GBE1: variants seen among roughly 807,000 people sequenced by gnomAD.
GBE1 encodes the protein 1,4-alpha-glucan-branching enzyme.
A neutral mutation model predicts 88.8 loss-of-function variants in GBE1; 70 were observed. That is an observed-to-expected ratio of 0.79 (90% CI 0.65 to 0.96). The LOEUF is 0.96. Ranked by LOEUF, GBE1 falls within the 40% of genes least tolerant of loss-of-function variation. The pLI, the probability that GBE1 is intolerant of heterozygous loss-of-function variation, is 0.00. For missense variants in GBE1, 872 were observed against 871.0 expected (o/e 1.00, Z -0.01); for synonymous variants, 284 against 300.1 (o/e 0.95, Z 0.56).
At chr3:81,521,304 G>T (rs188818806) in intron 14 of GBE1, among the ~76,000 whole-genome samples, 3 of 151,630 alleles carry the variant, frequency 2.0e-5, no homozygotes, top group East Asian at 1.9e-4. Context: ...GCTTCCCAGG[G>T]AATTAAAAAT....
At chr3:81,635,086 G>C (rs1034868044) in intron 7 of GBE1, among the ~76,000 whole-genome samples, 9 of 152,124 alleles carry the variant, frequency 5.9e-5, no homozygotes, top group African/African-American at 1.9e-4. Context: ...TTCCTAACGT[G>C]CTATGAGAAA....
At chr3:81,496,467 A>G (rs762147994) in intron 15 of GBE1, among the ~76,000 whole-genome samples, 11 of 152,232 alleles carry the variant, frequency 7.2e-5, no homozygotes, top group Non-Finnish European at 1.6e-4. Context: ...GCTTTAGCAA[A>G]TGCTGTGTAC....
At chr3:81,497,447 A>G (rs2106807283) in intron 15 of GBE1, among the ~76,000 whole-genome samples, 1 of 152,282 alleles carries the variant, frequency 6.6e-6, no homozygotes, top group South Asian at 2.1e-4. Flanking sequence ...CTGCTTCCTA[A>G]GAATCTCTTG....
chr3:81,527,351 A>G (rs1440986818), intron 14 of GBE1, among the ~76,000 whole-genome samples: 1 of 152,150 alleles, frequency 6.6e-6, no homozygotes, highest in African/African-American at 2.4e-5. Flanking sequence ...AATGGCAACA[A>G]AAGCCAAAAT....
intron 14 of GBE1, among the ~76,000 whole-genome samples, chr3:81,520,976 T>A (rs1330862359): frequency 6.6e-6 from 1 of 151,588 alleles, no homozygotes; most frequent in Admixed American, 6.6e-5. Flanking sequence ...GTCTTGCCTC[T>A]CAGTTTTCCA....
At chr3:81,687,641 A>G (rs147133355) in intron 2 of GBE1, among the ~76,000 whole-genome samples, 1 of 152,208 alleles carries the variant, frequency 6.6e-6, no homozygotes, top group Non-Finnish European at 1.5e-5. Flanking sequence ...GTTGATGGCC[A>G]TGATTCCGTA....
chr3:81,670,819 A>G lies in GBE1; in HGVS notation c.429+19T>C. 1 of 1,324,988 alleles carries G rather than the reference A, an allele frequency of 7.5e-7. No individual in the cohort carries two copies. Among genetic ancestry groups the G allele is most frequent in the South Asian group, 1.5e-5 (1 of 67,820 alleles). The allele number at this position is 1,324,988 out of a possible 1,614,324, so 82.1% of individuals were successfully genotyped here. A position where few individuals can be genotyped will look rare whatever the true frequency, so the allele number is the denominator to read the frequency against. On this transcript the variant is annotated intron_variant, in intron 3 of 15. Coordinates refer to ENST00000429644, the MANE Select transcript of GBE1 (RefSeq NM_000158.4). ...AAGAAAATGATAAGTTCAAGAAAAA[A>G]TAGGAGGGAGGAAAGTACCTTTAAT...
chr3:81,698,688 G>A (rs1344438727), intron 2 of GBE1, among the ~76,000 whole-genome samples: 1 of 152,134 alleles, frequency 6.6e-6, no homozygotes. Context: ...GGAGGAAACT[G>A]ACACACAGTA....
At chr3:81,605,284 T>C (rs1256190641) in intron 7 of GBE1, among the ~76,000 whole-genome samples, 3 of 152,174 alleles carry the variant, frequency 2.0e-5, no homozygotes, top group Non-Finnish European at 4.4e-5. Flanking sequence ...AATCTACCCA[T>C]ATTGCTCTAA....
At chr3:81,645,757 G>C (rs78782788) in intron 6 of GBE1, among the ~76,000 whole-genome samples, 2,311 of 152,222 alleles carry the variant, frequency 0.015, 76 homozygotes, top group African/African-American at 0.053. Context: ...TCTGATTATA[G>C]TTCCCTGTCA....
In GBE1 at chr3:81,648,937, CAT is replaced by C. The variant is rs1344212943; in HGVS notation, c.608_609del (p.His203ArgfsTer7). On this transcript the variant is annotated frameshift_variant, in exon 5 of 16. Transcript: ENST00000429644. LOFTEE classifies it high-confidence loss of function. ...KPRSLRIYES[H>X]VGISSHEGKV... ...TTTCCTTCATGGGAAGAAATTCCCA[CAT>C]GAGATTCATAAATTCTTAGACTCCG... is the stretch of plus-strand genomic sequence containing the variant. 1 of 1,580,844 alleles carries C rather than the reference CAT, an allele frequency of 6.3e-7. No homozygotes were observed.
At chr3:81,751,394 T>C (rs1706526632) in intron 1 of GBE1, among the ~76,000 whole-genome samples, 3 of 152,226 alleles carry the variant, frequency 2.0e-5, no homozygotes, top group Admixed American at 1.3e-4. Flanking sequence ...TTCAGGAAGA[T>C]GTGTGTGCCA....
chr3:81,573,773 C>CTGTGTGTGTGTG (rs201683183), intron 12 of GBE1, among the ~76,000 whole-genome samples: 3 of 117,202 alleles, frequency 2.6e-5, no homozygotes, highest in Non-Finnish European at 3.7e-5. Context: ...CTCTCTCTCT[C>CTGTGTGTGTGTG]TCTGTGTGTG....
chr3:81,508,650 G>C (rs1225371990), intron 14 of GBE1, among the ~76,000 whole-genome samples: 1 of 152,066 alleles, frequency 6.6e-6, no homozygotes, highest in East Asian at 1.9e-4. Context: ...GCAGTCAAGT[G>C]CAATATAGCT....
chr3:81,667,724 T>C (rs1009745061), intron 3 of GBE1, among the ~76,000 whole-genome samples: 2 of 152,336 alleles, frequency 1.3e-5, no homozygotes, highest in African/African-American at 4.8e-5. Context: ...TTGTCCTTGG[T>C]TCTGTTTATG....
intron 1 of GBE1, among the ~76,000 whole-genome samples, chr3:81,753,539 AG>A (rs1706560677): frequency 6.6e-6 from 1 of 152,230 alleles, no homozygotes; most frequent in African/African-American, 2.4e-5. Flanking sequence ...TAGCTGACCA[AG>A]GCCCAGTTTG....
At chr3:81,662,260 C>A (rs1355005098) in intron 3 of GBE1, among the ~76,000 whole-genome samples, 1 of 152,072 alleles carries the variant, frequency 6.6e-6, no homozygotes, top group East Asian at 1.9e-4. Context: ...TCAAACTCCC[C>A]ACCTCAAGTG....
chr3:81,692,054 T>C (rs935184335), intron 2 of GBE1, among the ~76,000 whole-genome samples: 1 of 152,108 alleles, frequency 6.6e-6, no homozygotes, highest in African/African-American at 2.4e-5. Context: ...TGCCATGACC[T>C]ACACAGCCCA....
chr3:81,739,709 C>T (rs1013885773), intron 1 of GBE1, among the ~76,000 whole-genome samples: 2 of 152,114 alleles, frequency 1.3e-5, no homozygotes, highest in East Asian at 3.8e-4. Flanking sequence ...GGTTTCATTA[C>T]TGACTTGAGT....
Sources: allele counts gnomAD v4.1 joint callset (sites outside exome capture counted in the v4.1 genomes callset), GRCh38; gene constraint gnomAD v4.1.1; transcripts MANE v1.5; gene names NCBI Gene and HGNC (gene_info 2026-07-23, HGNC 2026-07-21).